Variants in NEUROG1 observed in about 807,000 individuals in gnomAD.
The protein encoded by NEUROG1 is neurogenin 1.
A neutral mutation model predicts 5.7 loss-of-function variants in NEUROG1; 5 were observed. That is an observed-to-expected ratio of 0.88 (90% CI 0.46 to 1.85). The LOEUF is 1.85. Among genes scored for constraint, NEUROG1 ranks in the 40% most tolerant of loss-of-function variants. NEUROG1 has a pLI of 0.01. For synonymous variants in NEUROG1, 196 were observed against 157.4 expected, an observed-to-expected ratio of 1.25 and a Z score of -1.84; for missense variants, 403 against 345.7, an observed-to-expected ratio of 1.17 and a Z score of -1.32.
chr5:135,535,728 C>G lies in NEUROG1; in HGVS notation c.-38G>C, dbSNP rs750589876. On this transcript the variant is annotated 5_prime_UTR_variant, in exon 1 of 1. Coordinates refer to ENST00000314744, the MANE Select transcript of NEUROG1 (RefSeq NM_006161.3). ...CAGGACCGACGGACAGATAGAAAGGCGCTCAGAGCGCTGCAGCCCGGACTG... is the reference window on the plus strand; with the variant it reads ...CAGGACCGACGGACAGATAGAAAGGGGCTCAGAGCGCTGCAGCCCGGACTG... The G allele has an allele frequency of 2.7e-6, 4 of 1,478,438 alleles. No individual in the cohort carries two copies. Among genetic ancestry groups the G allele is most frequent in the Non-Finnish European group, 3.6e-6 (4 of 1,115,298 alleles). The allele number at this position is 1,478,438 out of a possible 1,614,324, so 91.6% of individuals were successfully genotyped here. A position where few individuals can be genotyped will look rare whatever the true frequency, so the allele number is the denominator to read the frequency against.
In NEUROG1 at chr5:135,535,306, T is replaced by C; in HGVS notation, c.385A>G (p.Thr129Ala). Residue 129 changes from threonine to alanine, a missense_variant, in exon 1 of 1, where the codon ACC (threonine) becomes GCC (alanine). Coordinates refer to ENST00000314744, the MANE Select transcript of NEUROG1 (RefSeq NM_006161.3). ...LPSFPDDTKL[T>A]KIETLRFAYN... ...GCGAAGCGCAGCGTCTCGATTTTGG[T>C]GAGCTTGGTGTCGTCGGGGAACGAG... 2 of 1,613,544 alleles carry C rather than the reference T, an allele frequency of 1.2e-6. No homozygotes were observed. The highest frequency in any genetic ancestry group is 1.7e-6 in the Non-Finnish European group (2 of 1,179,666).
Position 135,535,899 on chromosome 5 carries a change from G to T in NEUROG1, c.-209C>A. 1 of 480,570 alleles carries T rather than the reference G, an allele frequency of 2.1e-6. No individual in the cohort carries two copies. The allele number at this position is 480,570 out of a possible 1,614,324, so 29.8% of individuals were successfully genotyped here. The stretch of plus-strand genomic sequence containing the variant: ...CTCGCCTCGCCTGCAGGGGCCACGC[G>T]CCCGGCCGGTCTCCTGAGTGATGTC... On this transcript the variant is annotated 5_prime_UTR_variant, in exon 1 of 1. Transcript: ENST00000314744.
Position 135,534,396 on chromosome 5 carries a change from A to G in NEUROG1, c.*581T>C, listed in dbSNP as rs1023693701. Reference sequence around the variant, plus strand: ...AAATACATTTTCATATGAATGAAGCATCTTGAATAAATTAAAGTACTCTCC... The same window carrying G: ...AAATACATTTTCATATGAATGAAGCGTCTTGAATAAATTAAAGTACTCTCC... On this transcript the variant is annotated 3_prime_UTR_variant, in exon 1 of 1. Coordinates refer to ENST00000314744, the MANE Select transcript of NEUROG1 (RefSeq NM_006161.3). 1 of 152,756 alleles carries G rather than the reference A, an allele frequency of 6.5e-6. No individual in the cohort carries two copies. Among genetic ancestry groups the G allele is most frequent in the Non-Finnish European group, 1.5e-5 (1 of 68,174 alleles). The allele number at this position is 152,756 out of a possible 1,614,324, so 9.5% of individuals were successfully genotyped here. A position where few individuals can be genotyped will look rare whatever the true frequency, so the allele number is the denominator to read the frequency against.
At position 135,535,223 on chromosome 5, in the gene NEUROG1, G is replaced by A. The variant is rs8192559; in HGVS notation, c.468C>T (p.Pro156=). The change falls in exon 1 of 1, where the codon CCC becomes CCT. Residue 156 remains proline, a synonymous_variant. Transcript: ENST00000314744. ...GGAGGCGCTCCCGGGCACCGCCTCC[G>A]GGCAGCCCTTGATCCGCCAGGCGCA... is the stretch of plus-strand genomic sequence containing the variant. The part of the protein sequence containing the change: ...ETLRLADQGL[P]GGGARERLLP... The A allele has an allele frequency of 0.083, 134,545 of 1,612,210 alleles. 6,444 individuals carry two copies. The highest frequency in any genetic ancestry group is 0.097 in the Non-Finnish European group (114,439 of 1,179,352).
Position 135,535,237 on chromosome 5 carries a change from C to A in NEUROG1, c.454G>T (p.Asp152Tyr), listed in dbSNP as rs1421416197. The change falls in exon 1 of 1, where the codon GAT becomes TAT. Residue 152 changes from aspartate to tyrosine, a missense_variant. Physicochemically the swap from Asp to Tyr is radical, Grantham distance 160. Transcript: ENST00000314744. The part of the protein sequence containing the change: ...WALAETLRLA[D>Y]QGLPGGGARE... The stretch of plus-strand genomic sequence containing the variant: ...GCACCGCCTCCGGGCAGCCCTTGAT[C>A]CGCCAGGCGCAGTGTCTCGGCCAGA... 1 of 1,613,052 alleles carries A rather than the reference C, an allele frequency of 6.2e-7. No individual in the cohort carries two copies. The highest frequency in any genetic ancestry group is 2.2e-5 in the East Asian group (1 of 44,828).
rs756716087 is a variant in NEUROG1 at position 135,535,471 on chromosome 5, G to A, written c.220C>T (p.Arg74Cys). ...AQDDEQERRRRRGRTRVRSEA... is the reference protein window; with the variant it reads ...AQDDEQERRRCRGRTRVRSEA... ...GAGCGGACCCGCGTCCGGCCGCGGCGCCGCCGCCTCTCCTGCTCGTCGTCC... is the reference window on the plus strand; with the variant it reads ...GAGCGGACCCGCGTCCGGCCGCGGCACCGCCGCCTCTCCTGCTCGTCGTCC... Residue 74 changes from arginine (R) to cysteine (C), a missense_variant, in exon 1 of 1, where the codon CGC becomes TGC. Coordinates refer to ENST00000314744, the MANE Select transcript of NEUROG1 (RefSeq NM_006161.3). 6.4e-6 allele frequency: 10 copies of A among 1,564,294 alleles called. No individual in the cohort carries two copies. The highest frequency in any genetic ancestry group is 3.6e-5 in the South Asian group (3 of 84,300).
In NEUROG1 at chr5:135,535,496, C is replaced by T; in HGVS notation, c.195G>A (p.Gln65=). The change falls in exon 1 of 1, where the codon CAG becomes CAA. Residue 65 remains glutamine (Q), a synonymous_variant. Transcript: ENST00000314744. The part of the protein sequence containing the change: ...ISRASEVPGA[Q]DDEQERRRRR... ...GCCGCCGCCTCTCCTGCTCGTCGTC[C>T]TGTGCCCCTGGAACCTCAGACGCCC... 1 of 1,574,856 alleles carries T rather than the reference C, an allele frequency of 6.3e-7. No individual in the cohort carries two copies. The highest frequency in any genetic ancestry group is 8.6e-7 in the Non-Finnish European group (1 of 1,166,528).
In NEUROG1 at chr5:135,535,670, G is replaced by A. The variant is rs920679786; in HGVS notation, c.21C>T (p.Thr7=). 1.3e-6 allele frequency: 2 copies of A among 1,570,622 alleles called. No individual in the cohort carries two copies. Among genetic ancestry groups the A allele is most frequent in the South Asian group, 1.2e-5 (1 of 84,846 alleles). The change falls in exon 1 of 1, where the codon ACC becomes ACT. Residue 7 remains threonine, a synonymous_variant. Coordinates refer to ENST00000314744, the MANE Select transcript of NEUROG1 (RefSeq NM_006161.3). MPARLE[T]CISDLDCASS... The stretch of plus-strand genomic sequence containing the variant: ...TGGCGCAGTCGAGGTCGGAGATGCA[G>A]GTCTCAAGGCGGGCTGGCATCGTTG...
chr5:135,535,407 A>G lies in NEUROG1; in HGVS notation c.284T>C (p.Val95Ala). 1.2e-6 allele frequency: 2 copies of G among 1,604,932 alleles called. No individual in the cohort carries two copies. Among genetic ancestry groups the G allele is most frequent in the Non-Finnish European group, 1.7e-6 (2 of 1,176,184 alleles). The change falls in exon 1 of 1, where the codon GTC (valine) becomes GCC (alanine). Residue 95 changes from valine to alanine, a missense_variant. Val to Ala is a moderately conservative substitution (Grantham distance 64, BLOSUM62 0). Coordinates refer to ENST00000314744, the MANE Select transcript of NEUROG1 (RefSeq NM_006161.3). ...LLHSLRRSRR[V>A]KANDRERNRM... ...GTTGCGCTCGCGATCGTTGGCCTTG[A>G]CGCGCCGGCTCCTGCGCAGCGAGTG...
In NEUROG1 at chr5:135,535,766, C is replaced by G; in HGVS notation, c.-76G>C. On this transcript the variant is annotated 5_prime_UTR_variant, in exon 1 of 1. Coordinates refer to ENST00000314744, the MANE Select transcript of NEUROG1 (RefSeq NM_006161.3). ...GCAGCCCGGACTGAGGGCAGAGCCG[C>G]CAGGGCGCACTTACGTTCCCAACAG... 7.5e-7 allele frequency: 1 copy of G among 1,340,510 alleles called. No individual in the cohort carries two copies. The highest frequency in any genetic ancestry group is 1.0e-6 in the Non-Finnish European group (1 of 999,618). The allele number at this position is 1,340,510 out of a possible 1,614,324, so 83.0% of individuals were successfully genotyped here.
chr5:135,534,960 CAG>C lies in NEUROG1; in HGVS notation c.*15_*16del. ...GCTGACTAGGGGAGGGGGAAAGTAA[CAG>C]TGTCTACAAAGGGCCTAGTGGTAAG... On this transcript the variant is annotated 3_prime_UTR_variant, in exon 1 of 1. Transcript: ENST00000314744. The C allele has an allele frequency of 6.2e-7, 1 of 1,607,802 alleles. No individual in the cohort carries two copies. The highest frequency in any genetic ancestry group is 8.5e-7 in the Non-Finnish European group (1 of 1,177,628).
In NEUROG1 at chr5:135,535,727, G is replaced by A. The variant is rs1561731201; in HGVS notation, c.-37C>T. On this transcript the variant is annotated 5_prime_UTR_variant, in exon 1 of 1. Transcript: ENST00000314744. ...GCAGGACCGACGGACAGATAGAAAGGCGCTCAGAGCGCTGCAGCCCGGACT... is the reference window on the plus strand; with the variant it reads ...GCAGGACCGACGGACAGATAGAAAGACGCTCAGAGCGCTGCAGCCCGGACT... 6.1e-6 allele frequency: 9 copies of A among 1,481,534 alleles called. No homozygotes were observed. Among genetic ancestry groups the A allele is most frequent in the Admixed American group, 2.5e-5 (1 of 40,514 alleles). 91.8% of individuals were successfully genotyped at this position (1,481,534 alleles called of 1,614,324 possible).
chr5:135,535,884 C>T lies in NEUROG1; in HGVS notation c.-194G>A. On this transcript the variant is annotated 5_prime_UTR_variant, in exon 1 of 1. Transcript: ENST00000314744. ...ACTTGGCCTGGCCTCCTCGCCTCGC[C>T]TGCAGGGGCCACGCGCCCGGCCGGT... 1 of 493,356 alleles carries T rather than the reference C, an allele frequency of 2.0e-6. No individual in the cohort carries two copies. The highest frequency in any genetic ancestry group is 3.5e-6 in the Non-Finnish European group (1 of 283,266). The allele number at this position is 493,356 out of a possible 1,614,324, so 30.6% of individuals were successfully genotyped here. A position where few individuals can be genotyped will look rare whatever the true frequency, so the allele number is the denominator to read the frequency against.
In NEUROG1 at chr5:135,535,904, G is replaced by A; in HGVS notation, c.-214C>T. ...CTCGCCTGCAGGGGCCACGCGCCCGGCCGGTCTCCTGAGTGATGTCGCCGG... is the reference window on the plus strand; with the variant it reads ...CTCGCCTGCAGGGGCCACGCGCCCGACCGGTCTCCTGAGTGATGTCGCCGG... On this transcript the variant is annotated 5_prime_UTR_variant, in exon 1 of 1. Transcript: ENST00000314744. 4.2e-6 allele frequency: 2 copies of A among 477,658 alleles called. No individual in the cohort carries two copies. The highest frequency in any genetic ancestry group is 7.4e-6 in the Non-Finnish European group (2 of 271,578). The allele number at this position is 477,658 out of a possible 1,614,324, so 29.6% of individuals were successfully genotyped here. A position where few individuals can be genotyped will look rare whatever the true frequency, so the allele number is the denominator to read the frequency against.
Position 135,535,652 on chromosome 5 carries a change from G to A in NEUROG1, c.39C>T (p.Asp13=). 1 of 1,582,222 alleles carries A rather than the reference G, an allele frequency of 6.3e-7. No homozygotes were observed. The highest frequency in any genetic ancestry group is 8.6e-7 in the Non-Finnish European group (1 of 1,168,876). Residue 13 remains aspartate, a synonymous_variant, in exon 1 of 1, where the codon GAC becomes GAT. Transcript: ENST00000314744. The part of the protein sequence containing the change: ...ARLETCISDL[D]CASSSGSDLS... The stretch of plus-strand genomic sequence containing the variant: ...GGTCACTGCCGCTGCTGCTGGCGCA[G>A]TCGAGGTCGGAGATGCAGGTCTCAA...
Position 135,534,557 on chromosome 5 carries a change from G to A in NEUROG1, c.*420C>T. ...TTTAAGCCTTTTCATTGTATTGTCA[G>A]CCGGCTCAAACCGAATTTTCATGCT... On this transcript the variant is annotated 3_prime_UTR_variant, in exon 1 of 1. Coordinates refer to ENST00000314744, the MANE Select transcript of NEUROG1 (RefSeq NM_006161.3). 1 of 167,362 alleles carries A rather than the reference G, an allele frequency of 6.0e-6. No homozygotes were observed. Among genetic ancestry groups the A allele is most frequent in the Non-Finnish European group, 1.3e-5 (1 of 77,686 alleles). The allele number at this position is 167,362 out of a possible 1,614,324, so 10.4% of individuals were successfully genotyped here.
rs1361820235 is a variant in NEUROG1, at chr5:135,535,908, G to C, written c.-218C>G. 2.1e-6 allele frequency: 1 copy of C among 472,728 alleles called. No individual in the cohort carries two copies. The highest frequency in any genetic ancestry group is 3.7e-6 in the Non-Finnish European group (1 of 268,600). The allele number at this position is 472,728 out of a possible 1,614,324, so 29.3% of individuals were successfully genotyped here. A position where few individuals can be genotyped will look rare whatever the true frequency, so the allele number is the denominator to read the frequency against. ...CCTGCAGGGGCCACGCGCCCGGCCG[G>C]TCTCCTGAGTGATGTCGCCGGCGAT... On this transcript the variant is annotated 5_prime_UTR_variant, in exon 1 of 1. Transcript: ENST00000314744.
rs1007002916 is a variant in NEUROG1 at position 135,535,492 on chromosome 5, C to G, written c.199G>C (p.Asp67His). ...CGGCGCCGCCGCCTCTCCTGCTCGTCGTCCTGTGCCCCTGGAACCTCAGAC... is the reference window on the plus strand; with the variant it reads ...CGGCGCCGCCGCCTCTCCTGCTCGTGGTCCTGTGCCCCTGGAACCTCAGAC... The part of the protein sequence containing the change: ...RASEVPGAQD[D>H]EQERRRRRGR... Residue 67 changes from aspartate (D) to histidine (H), a missense_variant, in exon 1 of 1, where the codon GAC becomes CAC. Asp to His is a moderately conservative substitution (Grantham distance 81). Transcript: ENST00000314744. 1.3e-6 allele frequency: 2 copies of G among 1,571,558 alleles called. No homozygotes were observed. Among genetic ancestry groups the G allele is most frequent in the South Asian group, 1.2e-5 (1 of 85,902 alleles).
Position 135,535,874 on chromosome 5 carries a change from C to A in NEUROG1, c.-184G>T. ...CGCACGGAGAACTTGGCCTGGCCTC[C>A]TCGCCTCGCCTGCAGGGGCCACGCG... On this transcript the variant is annotated 5_prime_UTR_variant, in exon 1 of 1. In the 5' UTR this introduces an upstream ATG that the reference lacks. Transcript: ENST00000314744. 1.9e-6 allele frequency: 1 copy of A among 517,378 alleles called. No homozygotes were observed. Among genetic ancestry groups the A allele is most frequent in the Non-Finnish European group, 3.3e-6 (1 of 301,884 alleles). 32.0% of individuals were successfully genotyped at this position (517,378 alleles called of 1,614,324 possible).
Sources: gnomAD v4.1 joint callset for allele counts on GRCh38, gnomAD v4.1.1 for gene constraint, MANE v1.5 for transcripts, NCBI Gene and HGNC (gene_info 2026-07-23, HGNC 2026-07-21) for gene names.